Variants in ADAM2 observed in about 807,000 individuals in gnomAD.
The protein encoded by ADAM2 is ADAM metallopeptidase domain 2.
Under a neutral mutation model 99.3 loss-of-function variants are expected in ADAM2, and 101 were observed. The observed-to-expected ratio is 1.02, with a 90% CI of 0.87 to 1.20. The LOEUF (loss-of-function observed/expected upper bound fraction) is 1.20, where lower values mean the gene tolerates loss of function less well. Ranked by LOEUF, ADAM2 falls within the 50% of genes most tolerant of loss-of-function variation. The probability of loss-of-function intolerance (pLI) is 0.00; values close to 1 mark genes in which losing one functional copy is unlikely to be tolerated. For synonymous variants in ADAM2, 323 were observed against 287.6 expected (o/e 1.12, Z -1.25); for missense variants, 948 against 878.7 (o/e 1.08, Z -1.00).
intron 11 of ADAM2, among the ~76,000 whole-genome samples, chr8:39,772,481 A>C (rs1802821825): frequency 6.6e-6 from 1 of 152,054 alleles, no homozygotes; most frequent in Admixed American, 6.6e-5. Flanking sequence ...ATATGAGATT[A>C]TTTTGGGAAT....
intron 14 of ADAM2, among the ~76,000 whole-genome samples, chr8:39,761,942 G>A (rs1802386105): frequency 6.6e-6 from 1 of 152,068 alleles, no homozygotes; most frequent in Admixed American, 6.5e-5. Flanking sequence ...AAATTAGCCG[G>A]GCATGGTGGC....
intron 10 of ADAM2, among the ~76,000 whole-genome samples, chr8:39,785,822 G>A (rs1803444945): frequency 6.7e-6 from 1 of 148,924 alleles, no homozygotes. Flanking sequence ...AAGAAAGACA[G>A]AAAGAAAATA....
At chr8:39,751,291 T>C (rs674299) in intron 16 of ADAM2, among the ~76,000 whole-genome samples, 88,445 of 151,952 alleles carry the variant, frequency 0.58, 25,951 homozygotes, top group East Asian at 0.86. Context: ...TCCTTCACAC[T>C]TAACTACAAT....
At chr8:39,835,411 G>GT (rs1805780062) in intron 2 of ADAM2, among the ~76,000 whole-genome samples, 1 of 142,348 alleles carries the variant, frequency 7.0e-6, no homozygotes, top group Non-Finnish European at 1.5e-5. Flanking sequence ...TAGGCCATGT[G>GT]CGGTGGCTCA....
At chr8:39,791,748 G>A (rs566087808) in intron 7 of ADAM2, among the ~76,000 whole-genome samples, 5 of 152,106 alleles carry the variant, frequency 3.3e-5, no homozygotes, top group African/African-American at 1.2e-4. Flanking sequence ...AGCTTTAGAG[G>A]TAAAAGATAG....
chr8:39,759,542 T>G (rs919822277), intron 15 of ADAM2, among the ~76,000 whole-genome samples: 15 of 152,164 alleles, frequency 9.9e-5, no homozygotes, highest in Non-Finnish European at 5.9e-5. Context: ...ATAAGTTATG[T>G]AAGAAAATAT....
chr8:39,788,327 AT>A, intron 8 of ADAM2, 76 bp from the exon 9 acceptor site: 1 of 925,748 alleles, frequency 1.1e-6, no homozygotes, highest in Non-Finnish European at 1.5e-6. Context: ...TTGAAAACAA[AT>A]TTATGATAAA....
At chr8:39,747,229 G>C (rs1349320880) in intron 18 of ADAM2, among the ~76,000 whole-genome samples, 1 of 152,050 alleles carries the variant, frequency 6.6e-6, no homozygotes, top group Admixed American at 6.6e-5. Context: ...TAGTTGATTG[G>C]GGACCAATGA....
chr8:39,781,164 T>A (rs1803214076), intron 10 of ADAM2, among the ~76,000 whole-genome samples: 2 of 152,190 alleles, frequency 1.3e-5, no homozygotes, highest in South Asian at 4.1e-4. Context: ...TGTGTTTATA[T>A]GTTTATGTGT....
intron 6 of ADAM2, among the ~76,000 whole-genome samples, chr8:39,815,353 T>C (rs1182720800): frequency 1.3e-5 from 2 of 152,204 alleles, no homozygotes; most frequent in Non-Finnish European, 2.9e-5. Flanking sequence ...AATAAGGTTA[T>C]AGGATCTTTC....
intron 6 of ADAM2, among the ~76,000 whole-genome samples, chr8:39,812,530 A>G (rs528634673): frequency 1.2e-3 from 190 of 152,318 alleles, no homozygotes; most frequent in African/African-American, 4.3e-3. Flanking sequence ...AAACTATACT[A>G]CAAGGCCACA....
intron 18 of ADAM2, among the ~76,000 whole-genome samples, chr8:39,747,101 A>T (rs573820182): frequency 3.7e-4 from 56 of 152,296 alleles, no homozygotes; most frequent in African/African-American, 1.3e-3. Context: ...TGACCTAAAA[A>T]ATCATAAACC....
intron 6 of ADAM2, among the ~76,000 whole-genome samples, chr8:39,817,376 A>G (rs796143666): frequency 5.3e-5 from 8 of 151,752 alleles, no homozygotes; most frequent in African/African-American, 1.7e-4. Context: ...GCTATTGGTT[A>G]CAAAAGTACA....
At chr8:39,814,640 T>C (rs1337181956) in intron 6 of ADAM2, among the ~76,000 whole-genome samples, 1 of 151,874 alleles carries the variant, frequency 6.6e-6, no homozygotes. Flanking sequence ...GGAAGAAAAA[T>C]GTAGGTGATT....
intron 9 of ADAM2, 105 bp downstream of exon 9, chr8:39,787,979 GA>G (rs903582907): frequency 9.8e-6 from 7 of 717,824 alleles, no homozygotes; most frequent in Admixed American, 3.7e-5. Flanking sequence ...GCGTGTGTGA[GA>G]AAAAAATAGA....
chr8:39,756,296 A>C (rs2129583359), intron 15 of ADAM2, among the ~76,000 whole-genome samples: 1 of 152,320 alleles, frequency 6.6e-6, no homozygotes, highest in African/African-American at 2.4e-5. Flanking sequence ...TCACCTTTTC[A>C]GTGATTTTAA....
chr8:39,749,497 A>G (rs1823622351), intron 17 of ADAM2, 47 bp from the exon 18 acceptor site: 20 of 1,569,820 alleles, frequency 1.3e-5, no homozygotes, highest in Non-Finnish European at 1.7e-5. Flanking sequence ...AACTAGATTT[A>G]TATATGTTCA....
At position 39,746,620 on chromosome 8, in the gene ADAM2, T is replaced by C; in HGVS notation, c.2026A>G (p.Ile676Val). 6.3e-7 allele frequency: 1 copy of C among 1,582,492 alleles called. No homozygotes were observed. Among genetic ancestry groups the C allele is most frequent in the Non-Finnish European group, 8.5e-7 (1 of 1,170,514 alleles). ...GGTTTGGAATGGTAAATGTTCTCAA[T>C]GTAGCGCCTTTCTAGAAGAAAAAAA... Reference protein sequence around the residue: ...IPARLPERRYIENIYHSKPMR... With the variant: ...IPARLPERRYVENIYHSKPMR... Residue 676 changes from isoleucine (I) to valine (V), a missense_variant, in exon 19 of 21, where the codon ATT (isoleucine) becomes GTT (valine). By Grantham distance (29) the Ile-to-Val change is conservative. Transcript: ENST00000265708.
At chr8:39,757,580 T>C (rs1037018545) in intron 15 of ADAM2, among the ~76,000 whole-genome samples, 3 of 152,156 alleles carry the variant, frequency 2.0e-5, no homozygotes, top group African/African-American at 7.2e-5. Context: ...CCTGGATGAC[T>C]ACTGAACTAA....
Sources: allele counts gnomAD v4.1 joint callset (sites outside exome capture counted in the v4.1 genomes callset), GRCh38; gene constraint gnomAD v4.1.1; transcripts MANE v1.5; gene names NCBI Gene and HGNC (gene_info 2026-07-23, HGNC 2026-07-21).